The following SGCD variants were observed in gnomAD, a reference collection of about 807,000 sequenced individuals.
SGCD encodes the protein delta-sarcoglycan.
A neutral mutation model predicts 36.6 loss-of-function variants in SGCD; 18 were observed. The observed-to-expected ratio is 0.49, with a 90% confidence interval of 0.34 to 0.73. SGCD has a LOEUF of 0.73. Among genes scored for constraint, SGCD ranks in the 30% least tolerant of loss-of-function variants. The probability of loss-of-function intolerance (pLI) is 0.01; values close to 1 mark genes in which losing one functional copy is unlikely to be tolerated. For synonymous variants in SGCD, 133 were observed against 130.6 expected, an observed-to-expected ratio of 1.02 and a Z score of -0.12; for missense variants, 387 against 346.7, an observed-to-expected ratio of 1.12 and a Z score of -0.92.
chr5:156,513,902 T>C (rs1024459703), intron 4 of SGCD, among the ~76,000 whole-genome samples: 4 of 152,086 alleles, frequency 2.6e-5, no homozygotes, highest in African/African-American at 7.2e-5. Context: ...AGAAAAGAGA[T>C]TGAGAAGGAT....
At chr5:155,754,593 A>AT in the SGCD span, among the ~76,000 whole-genome samples, 1 of 152,382 alleles carries the variant, frequency 6.6e-6, no homozygotes, top group Non-Finnish European at 1.5e-5. Context: ...ATTACATTGT[A>AT]TTGCACTGGT....
chr5:156,616,430 T>C (rs1250974469), intron 6 of SGCD, among the ~76,000 whole-genome samples: 1 of 152,102 alleles, frequency 6.6e-6, no homozygotes, highest in Admixed American at 6.5e-5. Context: ...GAATAGGTGC[T>C]AGGAAAAAAA....
chr5:156,396,260 G>A (rs917287737), intron 3 of SGCD, among the ~76,000 whole-genome samples: 1 of 152,154 alleles, frequency 6.6e-6, no homozygotes, highest in South Asian at 2.1e-4. Flanking sequence ...CTTCTCTCCA[G>A]TGCTGTAGAA....
intron 3 of SGCD, among the ~76,000 whole-genome samples, chr5:156,407,203 C>T (rs1403955470): frequency 6.6e-6 from 1 of 152,146 alleles, no homozygotes; most frequent in African/African-American, 2.4e-5. Flanking sequence ...TTGCATCCTT[C>T]AATCCAAGCA....
At chr5:156,535,515 G>C (rs1758069238) in intron 4 of SGCD, among the ~76,000 whole-genome samples, 1 of 152,192 alleles carries the variant, frequency 6.6e-6, no homozygotes, top group Non-Finnish European at 1.5e-5. Flanking sequence ...CTACCTGCCT[G>C]TCTTTGTAAT....
chr5:156,539,295 G>A (rs1466212418), intron 4 of SGCD, among the ~76,000 whole-genome samples: 1 of 151,840 alleles, frequency 6.6e-6, no homozygotes, highest in Non-Finnish European at 1.5e-5. Context: ...TGGGAGTACA[G>A]GTGGTTTGGG....
At chr5:156,705,136 AG>A (rs1220810675) in intron 7 of SGCD, among the ~76,000 whole-genome samples, 1 of 152,200 alleles carries the variant, frequency 6.6e-6, no homozygotes, top group African/African-American at 2.4e-5. Flanking sequence ...ATACTGTTAT[AG>A]GTATCCTTAA....
the SGCD span, among the ~76,000 whole-genome samples, chr5:155,742,032 A>C: frequency 3.3e-5 from 5 of 152,174 alleles, no homozygotes; most frequent in African/African-American, 1.2e-4. Flanking sequence ...TTGGCTGAGA[A>C]GAGGGCTCCA....
At chr5:156,593,526 T>G (rs1425649446) in intron 5 of SGCD, among the ~76,000 whole-genome samples, 2 of 152,268 alleles carry the variant, frequency 1.3e-5, no homozygotes, top group Middle Eastern at 3.4e-3. Flanking sequence ...TTCACCACAT[T>G]TTTTGCATTT....
rs537173641 is a variant in SGCD, at chr5:156,382,907, T to C, written c.192+38230T>C. 2.0e-5 allele frequency among the ~76,000 whole-genome samples: 3 copies of C among 152,318 alleles called. No individual in the cohort carries two copies. In the East Asian group the frequency reaches 5.8e-4, roughly 29 times the overall value. ...ATTTTAATAAGGGCATTCTGGTGAC[T>C]AAAACTAAGGTACTCCATTCATGGC... On this transcript the variant is annotated intron_variant, in intron 3 of 8. Coordinates refer to ENST00000337851, the MANE Select transcript of SGCD (RefSeq NM_000337.6).
intron 3 of SGCD, among the ~76,000 whole-genome samples, chr5:156,406,620 G>A (rs1772422087): frequency 6.6e-6 from 1 of 151,608 alleles, no homozygotes; most frequent in South Asian, 2.1e-4. Flanking sequence ...AGCACTTAGA[G>A]TGTTTTCCCT....
intron 7 of SGCD, among the ~76,000 whole-genome samples, chr5:156,683,947 C>T (rs1047365898): frequency 3.3e-5 from 5 of 152,076 alleles, no homozygotes; most frequent in African/African-American, 1.2e-4. Flanking sequence ...AAAGTTGAGA[C>T]CAAACTACAA....
chr5:156,140,674 T>A (rs115764191), intron 3 of SGCD, among the ~76,000 whole-genome samples: 3,082 of 152,142 alleles, frequency 0.02, 45 homozygotes, highest in Non-Finnish European at 0.034. Context: ...AAAAATGAGT[T>A]AAAGACAGAA....
At chr5:156,757,745 T>A in intron 8 of SGCD, 41 bp downstream of exon 8, 1 of 1,584,444 alleles carries the variant, frequency 6.3e-7, no homozygotes, top group Non-Finnish European at 8.6e-7. Flanking sequence ...AGCTACAGCT[T>A]CAACAGGCCA....
At chr5:155,859,142 G>A in the SGCD span, among the ~76,000 whole-genome samples, 1 of 151,728 alleles carries the variant, frequency 6.6e-6, no homozygotes, top group Non-Finnish European at 1.5e-5. Flanking sequence ...GCTCACTGCA[G>A]CCGTAACCCC....
rs1755430190 is a variant in SGCD, at chr5:156,720,270, A to G, written c.576-37311A>G. Among the ~76,000 whole-genome samples, 5 of 152,210 alleles carry G rather than the reference A, an allele frequency of 3.3e-5. No homozygotes were observed. In the South Asian group the frequency reaches 1.0e-3, roughly 32 times the overall value. ...TAATAAGCAAAGGTCAGGCAGGAAT[A>G]AATATTAGGGAGAAAAAAGAAAGTA... On this transcript the variant is annotated intron_variant, in intron 7 of 8. Transcript: ENST00000337851.
intron 3 of SGCD, among the ~76,000 whole-genome samples, chr5:156,158,810 C>A (rs1309854364): frequency 1.3e-5 from 2 of 151,230 alleles, no homozygotes; most frequent in Non-Finnish European, 2.9e-5. Context: ...CTGGAGCATT[C>A]AAAAAAATCA....
intron 3 of SGCD, among the ~76,000 whole-genome samples, chr5:156,227,488 G>A (rs11949402): frequency 0.25 from 37,252 of 152,036 alleles, 5,023 homozygotes; most frequent in East Asian, 0.62. Context: ...GTACCATGCT[G>A]TTTTGGTGAC....
At chr5:155,912,642 T>A (rs1003950227) in intron 1 of SGCD, among the ~76,000 whole-genome samples, 4 of 152,188 alleles carry the variant, frequency 2.6e-5, no homozygotes, top group Non-Finnish European at 5.9e-5. Flanking sequence ...TGAATGTATG[T>A]TTCCCTCATT....
Sources: gnomAD v4.1 joint callset for allele counts (sites outside exome capture counted in the v4.1 genomes callset) on GRCh38, gnomAD v4.1.1 for gene constraint, MANE v1.5 for transcripts, NCBI Gene and HGNC (gene_info 2026-07-23, HGNC 2026-07-21) for gene names.